DENND1A: variants seen among roughly 807,000 people sequenced by gnomAD.
DENND1A encodes the protein DENN domain containing 1A.
Under a neutral mutation model 113.7 loss-of-function variants are expected in DENND1A, and 51 were observed. The ratio of observed to expected loss-of-function variants is 0.45; its 90% CI spans 0.36 to 0.57. DENND1A has a LOEUF of 0.57. DENND1A is among the 20% of genes least tolerant of loss of function. The probability of loss-of-function intolerance (pLI) is 0.00; values close to 1 mark genes in which losing one functional copy is unlikely to be tolerated. For missense variants in DENND1A, 1,258 were observed against 1,395.9 expected (o/e 0.90, Z 1.57); for synonymous variants, 565 against 570.8 (o/e 0.99, Z 0.14).
At chr9:123,737,843 G>A (rs547554883) in intron 5 of DENND1A, among the ~76,000 whole-genome samples, 1 of 152,286 alleles carries the variant, frequency 6.6e-6, no homozygotes, top group African/African-American at 2.4e-5. Flanking sequence ...CCCCTCAAAT[G>A]TGAGTAAATG....
intron 13 of DENND1A, among the ~76,000 whole-genome samples, chr9:123,516,156 A>G (rs2053890305): frequency 9.1e-6 from 1 of 110,062 alleles, no homozygotes; most frequent in African/African-American, 4.7e-5. Flanking sequence ...ACACACACAC[A>G]AAGGTTGGGG....
chr9:123,622,747 T>G (rs2061019668), intron 10 of DENND1A, among the ~76,000 whole-genome samples: 1 of 152,202 alleles, frequency 6.6e-6, no homozygotes, highest in Non-Finnish European at 1.5e-5. Context: ...ATATTTACCT[T>G]GCAGCTTGAT....
intron 5 of DENND1A, among the ~76,000 whole-genome samples, chr9:123,730,499 GA>G (rs2068081348): frequency 1.3e-5 from 2 of 152,172 alleles, no homozygotes; most frequent in East Asian, 3.9e-4. Flanking sequence ...ACAAACATAT[GA>G]AAAAAAGCTC....
chr9:123,669,314 G>GA (rs972637534), intron 7 of DENND1A, among the ~76,000 whole-genome samples: 11 of 151,422 alleles, frequency 7.3e-5, no homozygotes, highest in East Asian at 3.9e-4. Flanking sequence ...GAAAAGGAAA[G>GA]AAAAAAAAAT....
At chr9:123,589,896 C>T (rs2059378086) in intron 11 of DENND1A, among the ~76,000 whole-genome samples, 1 of 152,202 alleles carries the variant, frequency 6.6e-6, no homozygotes, top group Non-Finnish European at 1.5e-5. Flanking sequence ...TAGTATTTCA[C>T]CTCTGGCTTG....
intron 1 of DENND1A, among the ~76,000 whole-genome samples, chr9:123,918,150 A>G (rs1212271838): frequency 3.3e-5 from 5 of 151,052 alleles, no homozygotes; most frequent in South Asian, 4.2e-4. Flanking sequence ...AAAGAAAAGA[A>G]ACTACTGGGA....
chr9:123,532,674 T>C (rs570407841), intron 13 of DENND1A, among the ~76,000 whole-genome samples: 3 of 152,266 alleles, frequency 2.0e-5, no homozygotes, highest in East Asian at 3.9e-4. Context: ...ACCTAGAAAA[T>C]GGCAGTTACC....
At chr9:123,828,682 A>G (rs1410825841) in intron 2 of DENND1A, among the ~76,000 whole-genome samples, 3 of 151,978 alleles carry the variant, frequency 2.0e-5, no homozygotes, top group South Asian at 2.1e-4. Context: ...AGGAACACCC[A>G]TAAGACTTAC....
At chr9:123,431,964 A>G (rs2046165161) in intron 19 of DENND1A, among the ~76,000 whole-genome samples, 1 of 152,194 alleles carries the variant, frequency 6.6e-6, no homozygotes, top group African/African-American at 2.4e-5. Flanking sequence ...GGCTGAACAG[A>G]GGTGGTACAG....
At chr9:123,474,507 G>A (rs779665621) in intron 13 of DENND1A, among the ~76,000 whole-genome samples, 2 of 152,204 alleles carry the variant, frequency 1.3e-5, no homozygotes, top group Non-Finnish European at 2.9e-5. Flanking sequence ...CAGCGCAGTA[G>A]GAAAATGAGA....
At chr9:123,686,243 A>G (rs572317564) in intron 5 of DENND1A, among the ~76,000 whole-genome samples, 1 of 152,226 alleles carries the variant, frequency 6.6e-6, no homozygotes, top group East Asian at 1.9e-4. Flanking sequence ...GAGAAAATTG[A>G]GTCGTAGAGA....
chr9:123,536,386 C>T (rs2055771573), intron 13 of DENND1A, among the ~76,000 whole-genome samples: 1 of 150,676 alleles, frequency 6.6e-6, no homozygotes, highest in Non-Finnish European at 1.5e-5. Context: ...AGGAGAATTG[C>T]TTGAACCCGG....
At chr9:123,878,286 A>G (rs1847817366) in intron 2 of DENND1A, among the ~76,000 whole-genome samples, 2 of 152,168 alleles carry the variant, frequency 1.3e-5, no homozygotes, top group South Asian at 2.1e-4. Context: ...GGCAAAATGT[A>G]TCACCTCTTA....
At chr9:123,387,653 C>T in intron 22 of DENND1A, 77 bp downstream of exon 22, 3 of 1,268,814 alleles carry the variant, frequency 2.4e-6, no homozygotes, top group Non-Finnish European at 3.1e-6. Flanking sequence ...CAAGCAGCAC[C>T]AGCCCCCCGC....
intron 10 of DENND1A, among the ~76,000 whole-genome samples, chr9:123,618,637 G>A (rs961058447): frequency 1.8e-4 from 27 of 152,312 alleles, no homozygotes; most frequent in Middle Eastern, 3.4e-3. Flanking sequence ...TTAGGCTGTG[G>A]TCCAGACAGC....
At chr9:123,844,197 C>T (rs1017109172) in intron 2 of DENND1A, among the ~76,000 whole-genome samples, 2 of 152,066 alleles carry the variant, frequency 1.3e-5, no homozygotes, top group African/African-American at 4.8e-5. Context: ...CTATTCAACA[C>T]TGTATTGGAG....
intron 21 of DENND1A, chr9:123,401,595 G>T (rs536649971): frequency 7.1e-7 from 1 of 1,411,842 alleles, no homozygotes; most frequent in Admixed American, 2.9e-5. Flanking sequence ...TGGCTCCCAT[G>T]CTCCCACTGG....
chr9:123,767,612 A>G (rs749749935), intron 4 of DENND1A, among the ~76,000 whole-genome samples: 4 of 152,194 alleles, frequency 2.6e-5, no homozygotes, highest in Non-Finnish European at 4.4e-5. Flanking sequence ...AAGTGTGTGT[A>G]TGGTATACAT....
intron 3 of DENND1A, among the ~76,000 whole-genome samples, chr9:123,780,770 T>G (rs1323949588): frequency 6.6e-6 from 1 of 152,196 alleles, no homozygotes; most frequent in Non-Finnish European, 1.5e-5. Context: ...AGACTTTATT[T>G]GGTTCCTCAT....
Sources: allele counts gnomAD v4.1 joint callset (sites outside exome capture counted in the v4.1 genomes callset), GRCh38; gene constraint gnomAD v4.1.1; transcripts MANE v1.5; gene names NCBI Gene and HGNC (gene_info 2026-07-23, HGNC 2026-07-21).